The following COL17A1 variants were observed in gnomAD, a reference collection of about 807,000 sequenced individuals.
COL17A1 encodes the protein collagen type XVII alpha 1 chain.
Under a neutral mutation model 218.4 loss-of-function variants are expected in COL17A1, and 181 were observed. The observed-to-expected ratio is 0.83, with a 90% CI of 0.73 to 0.94. The LOEUF is 0.94. Among genes scored for constraint, COL17A1 ranks in the 40% least tolerant of loss-of-function variants. The pLI, the probability that COL17A1 is intolerant of heterozygous loss-of-function variation, is 0.00. For synonymous variants in COL17A1, 721 were observed against 731.0 expected, an observed-to-expected ratio of 0.99 and a Z score of 0.22; for missense variants, 1,924 against 1,945.9, an observed-to-expected ratio of 0.99 and a Z score of 0.21.
chr10:104,052,511 C>G (rs2086479523), intron 23 of COL17A1, among the ~76,000 whole-genome samples: 1 of 152,170 alleles, frequency 6.6e-6, no homozygotes. Context: ...AGTCTGTTAG[C>G]ATTAAGAGGA....
Position 104,038,225 on chromosome 10 carries a change from C to CAT in COL17A1, c.3070+180_3070+181insAT, listed in dbSNP as rs1487492755. ...GAAGACCTGGGCCTGGACACATAGA[C>CAT]ACACATACACACACACACACACACA... On this transcript the variant is annotated intron_variant, in intron 45 of 55. Transcript: ENST00000648076. Among the ~76,000 whole-genome samples the CAT allele has an allele frequency of 1.1e-4, 12 of 111,520 alleles. No homozygotes were observed. The East Asian group carries it at 3.1e-3, about 29-fold the overall frequency. The allele number at this position is 111,520 out of a possible 152,430, so 73.2% of individuals were successfully genotyped here. A position where few individuals can be genotyped will look rare whatever the true frequency, so the allele number is the denominator to read the frequency against.
chr10:104,063,372 A>C (rs1300683464), intron 11 of COL17A1, among the ~76,000 whole-genome samples: 1 of 152,276 alleles, frequency 6.6e-6, no homozygotes, highest in Non-Finnish European at 1.5e-5. Context: ...ATCTGAAAGT[A>C]GTTACTCAAT....
chr10:104,077,309 T>C, intron 4 of COL17A1, 113 bp downstream of exon 4: 1 of 809,532 alleles, frequency 1.2e-6, no homozygotes, highest in Non-Finnish European at 2.1e-6. Flanking sequence ...TAATTGTCCC[T>C]TTTGTGCACT....
chr10:104,055,924 G>C lies in COL17A1; in HGVS notation c.1545C>G (p.Ser515Arg). ...GGCGGTCCTTTTCTATTCTATCCAT[G>C]CTGTCCCCATAGGGCAGTATGCTCC... ...IRRSILPYGD[S>R]MDRIEKDRLQ... Residue 515 changes from serine (S) to arginine (R), a missense_variant, in exon 18 of 56, where the codon AGC (serine) becomes AGG (arginine). Ser to Arg is a moderately radical substitution (Grantham distance 110). Transcript: ENST00000648076. The C allele has an allele frequency of 6.2e-7, 1 of 1,614,138 alleles. No homozygotes were observed. The highest frequency in any genetic ancestry group is 8.5e-7 in the Non-Finnish European group (1 of 1,180,024).
At chr10:104,061,545 G>A (rs1447641710) in intron 12 of COL17A1, 72 bp from the exon 13 acceptor site, 5 of 1,320,044 alleles carry the variant, frequency 3.8e-6, no homozygotes, top group Non-Finnish European at 5.4e-6. Context: ...GATCAGCCCT[G>A]GCAGAGAGGT....
chr10:104,034,643 G>T lies in COL17A1; in HGVS notation c.3744C>A (p.Ser1248Arg), dbSNP rs768977221. ...TACTTGTGAGGTAGCTGATCAGCTCGCTCCGGAAGCTGTCGCTGTTTTCAG... is the reference window on the plus strand; with the variant it reads ...TACTTGTGAGGTAGCTGATCAGCTCTCTCCGGAAGCTGTCGCTGTTTTCAG... ...YAAENSDSFR[S>R]ELISYLTSPD... Residue 1248 changes from serine (S) to arginine (R), a missense_variant, in exon 51 of 56, where the codon AGC (serine) becomes AGA (arginine). By Grantham distance (110) the Ser-to-Arg change is moderately radical. Transcript: ENST00000648076. 6.2e-7 allele frequency: 1 copy of T among 1,610,272 alleles called. No homozygotes were observed. Among genetic ancestry groups the T allele is most frequent in the Non-Finnish European group, 8.5e-7 (1 of 1,178,498 alleles).
At position 104,067,334 on chromosome 10, in the gene COL17A1, TAA is replaced by T. The variant is rs58260510; in HGVS notation, c.608-2740_608-2739del. ...CTGCATTTCTGCAGAGGCTCAGGAA[TAA>T]AAAAAAAAAAAAAAAAAAAAAATCA... On this transcript the variant is annotated intron_variant, in intron 9 of 55. Coordinates refer to ENST00000648076, the MANE Select transcript of COL17A1 (RefSeq NM_000494.4). Among the ~76,000 whole-genome samples the T allele has an allele frequency of 9.0e-4, 99 of 110,428 alleles. 1 individual carries two copies. Among genetic ancestry groups the T allele is most frequent in the African/African-American group, 2.9e-3 (80 of 27,170 alleles). The allele number at this position is 110,428 out of a possible 152,430, so 72.4% of individuals were successfully genotyped here. A position where few individuals can be genotyped will look rare whatever the true frequency, so the allele number is the denominator to read the frequency against.
chr10:104,051,459 T>A, intron 25 of COL17A1, 22 bp downstream of exon 25: 2 of 1,614,010 alleles, frequency 1.2e-6, no homozygotes, highest in Non-Finnish European at 1.7e-6. Context: ...CAGAACCTAT[T>A]TACAAGAAGC....
intron 20 of COL17A1, 67 bp from the exon 21 acceptor site, chr10:104,054,185 A>T: frequency 6.5e-7 from 1 of 1,539,460 alleles, no homozygotes; most frequent in South Asian, 1.2e-5. Context: ...CAAAGCAGTC[A>T]CTAGTGGGAT....
chr10:104,050,317 C>G (rs1388284995), intron 27 of COL17A1, among the ~76,000 whole-genome samples, 193 bp from the exon 28 acceptor site: 3 of 152,140 alleles, frequency 2.0e-5, no homozygotes, highest in African/African-American at 4.8e-5. Context: ...TCAGTTCCCC[C>G]CCTACAAACT....
intron 29 of COL17A1, 103 bp from the exon 30 acceptor site, chr10:104,048,207 C>A: frequency 8.0e-7 from 1 of 1,254,114 alleles, no homozygotes; most frequent in Non-Finnish European, 1.2e-6. Context: ...GTCCCAGGAG[C>A]CCACGCAGCC....
At chr10:104,042,226 C>T (rs2086367320) in intron 36 of COL17A1, among the ~76,000 whole-genome samples, 194 bp downstream of exon 36, 1 of 152,190 alleles carries the variant, frequency 6.6e-6, no homozygotes, top group South Asian at 2.1e-4. Flanking sequence ...CTTGTAATCC[C>T]AGAACTTCTC....
At position 104,055,768 on chromosome 10, in the gene COL17A1, G is replaced by A. The variant is rs201926609; in HGVS notation, c.1687+14C>T. 75 of 1,613,512 alleles carry A rather than the reference G, an allele frequency of 4.6e-5. No individual in the cohort carries two copies. Among genetic ancestry groups the A allele is most frequent in the East Asian group, 1.6e-4 (7 of 44,878 alleles). On this transcript the variant is annotated intron_variant, in intron 18 of 55. Transcript: ENST00000648076. The stretch of plus-strand genomic sequence containing the variant: ...ACTCAGGGGAGCTGGCCCTGTGCCC[G>A]GCGATGCTCTCACCATTTTCCTGTT...
intron 37 of COL17A1, 50 bp from the exon 38 acceptor site, chr10:104,041,394 C>T (rs367909557): frequency 1.2e-6 from 2 of 1,601,154 alleles, no homozygotes; most frequent in South Asian, 1.1e-5. Flanking sequence ...GGAGCTGATG[C>T]CACCCCTGAG....
chr10:104,083,937 A>G (rs2086786043), intron 1 of COL17A1, among the ~76,000 whole-genome samples: 1 of 152,242 alleles, frequency 6.6e-6, no homozygotes, highest in Admixed American at 6.5e-5. Flanking sequence ...ACAAAACAAC[A>G]ACAAAATTGC....
At chr10:104,070,970 G>A (rs1396282920) in intron 8 of COL17A1, among the ~76,000 whole-genome samples, 3 of 152,170 alleles carry the variant, frequency 2.0e-5, no homozygotes, top group Non-Finnish European at 4.4e-5. Context: ...ATCTGATATT[G>A]GGTCCTTGAC....
intron 24 of COL17A1, 28 bp from the exon 25 acceptor site, chr10:104,051,544 G>A: frequency 6.2e-7 from 1 of 1,613,800 alleles, no homozygotes; most frequent in African/African-American, 1.3e-5. Flanking sequence ...ACAGCAATCA[G>A]CAGAGGGGCA....
intron 6 of COL17A1, 70 bp downstream of exon 6, chr10:104,074,114 T>C (rs1380345379): frequency 1.2e-5 from 19 of 1,611,770 alleles, no homozygotes; most frequent in Non-Finnish European, 1.4e-5. Flanking sequence ...CTCCCACCAC[T>C]TCATCTCCCC....
intron 46 of COL17A1, 129 bp from the exon 47 acceptor site, chr10:104,037,242 C>A: frequency 1.2e-6 from 1 of 822,278 alleles, no homozygotes. Context: ...TGGAGTATTA[C>A]GAGGCTATTT....
Sources: gnomAD v4.1 joint callset for allele counts (sites outside exome capture counted in the v4.1 genomes callset) on GRCh38, gnomAD v4.1.1 for gene constraint, MANE v1.5 for transcripts, NCBI Gene and HGNC (gene_info 2026-07-23, HGNC 2026-07-21) for gene names.